VPS26A: variants seen among roughly 807,000 people sequenced by gnomAD.
VPS26A encodes vacuolar protein sorting-associated protein 26A.
A neutral mutation model predicts 42.4 loss-of-function variants in VPS26A; 22 were observed. That is an observed-to-expected ratio of 0.52 (90% confidence interval 0.37 to 0.74). VPS26A has a LOEUF of 0.74. Among genes scored for constraint, VPS26A ranks in the 30% least tolerant of loss-of-function variants. The pLI is 0.00. For missense variants in VPS26A, 276 were observed against 379.2 expected (o/e 0.73, Z 2.26); for synonymous variants, 110 against 123.5 (o/e 0.89, Z 0.73).
chr10:69,167,783 C>G (rs1841724098), intron 7 of VPS26A, among the ~76,000 whole-genome samples: 1 of 149,876 alleles, frequency 6.7e-6, no homozygotes, highest in Non-Finnish European at 1.5e-5. Context: ...CAAAGAATTA[C>G]CCTTAGGAAA....
At chr10:69,139,236 T>C (rs906145404) in intron 2 of VPS26A, among the ~76,000 whole-genome samples, 3 of 152,236 alleles carry the variant, frequency 2.0e-5, no homozygotes, top group Non-Finnish European at 4.4e-5. Context: ...TTGTGTCCTT[T>C]ACACTTAAAA....
intron 2 of VPS26A, among the ~76,000 whole-genome samples, chr10:69,139,853 T>C (rs1348846033): frequency 6.6e-6 from 1 of 152,176 alleles, no homozygotes; most frequent in Non-Finnish European, 1.5e-5. Context: ...TCTAATTCTT[T>C]TCTGATTTTT....
rs559394429 is a variant in VPS26A, at chr10:69,166,677, T to C, written c.727+567T>C. On this transcript the variant is annotated intron_variant, in intron 7 of 8. Coordinates refer to ENST00000263559, the MANE Select transcript of VPS26A (RefSeq NM_004896.5). ...TGTAATCTTAGGTGCTCTAAAACTC[T>C]TTGAGCTAGGTGGTTGTGTCCCTTA... Among the ~76,000 whole-genome samples the C allele has an allele frequency of 5.3e-5, 8 of 152,334 alleles. No individual in the cohort carries two copies. In the South Asian group the frequency reaches 1.7e-3, roughly 32 times the overall value.
At chr10:69,149,727 G>GTTTTTTTTTTTTTTTTTTTTTTT (rs151136046) in intron 2 of VPS26A, among the ~76,000 whole-genome samples, 2 of 93,964 alleles carry the variant, frequency 2.1e-5, no homozygotes, top group African/African-American at 4.9e-5. Context: ...CTTTCTTGGT[G>GTTTTTTTTTTTTTTTTTTTTTTT]TTTTTTGTTT....
intron 1 of VPS26A, among the ~76,000 whole-genome samples, chr10:69,128,958 C>T (rs1840716216): frequency 7.0e-6 from 1 of 142,440 alleles, no homozygotes; most frequent in Non-Finnish European, 1.5e-5. Context: ...GATCATACCA[C>T]TGCACTCCAG....
intron 2 of VPS26A, among the ~76,000 whole-genome samples, chr10:69,146,227 T>A (rs570267230): frequency 6.6e-6 from 1 of 152,152 alleles, no homozygotes; most frequent in Non-Finnish European, 1.5e-5. Flanking sequence ...TCCGAGTAGC[T>A]GGGATTACAG....
intron 2 of VPS26A, among the ~76,000 whole-genome samples, chr10:69,133,302 T>A (rs1032627956): frequency 3.9e-5 from 6 of 152,044 alleles, no homozygotes; most frequent in African/African-American, 1.4e-4. Context: ...CCTGTGTGGT[T>A]CATGAAAAAA....
intron 1 of VPS26A, among the ~76,000 whole-genome samples, chr10:69,124,883 G>A (rs1335734147): frequency 6.6e-6 from 1 of 152,214 alleles, no homozygotes; most frequent in Admixed American, 6.5e-5. Context: ...CCCGTTTGGT[G>A]CCCGCCGTTT....
chr10:69,163,885 C>A (rs1317358550), intron 6 of VPS26A, among the ~76,000 whole-genome samples: 6 of 151,022 alleles, frequency 4.0e-5, no homozygotes, highest in African/African-American at 1.5e-4. Context: ...CCTGCCTCAG[C>A]CTCCCGAGTA....
rs111294002 is a variant in VPS26A at position 69,131,957 on chromosome 10, A to G, written c.4-941A>G. ...GATAAGCAATTGATCTTTGTCCCTT[A>G]TATTTGTCATATTCAGGATTTATAG... On this transcript the variant is annotated intron_variant, in intron 1 of 8. Coordinates refer to ENST00000263559, the MANE Select transcript of VPS26A (RefSeq NM_004896.5). Among the ~76,000 whole-genome samples, 60 of 152,264 alleles carry G rather than the reference A, an allele frequency of 3.9e-4. 4 individuals are homozygous for G. Among genetic ancestry groups the G allele is most frequent in the African/African-American group, 1.4e-3 (57 of 41,562 alleles).
chr10:69,163,766 C>CTTTT (rs869154106), intron 6 of VPS26A, among the ~76,000 whole-genome samples: 11 of 133,610 alleles, frequency 8.2e-5, no homozygotes, highest in Non-Finnish European at 1.8e-4. Flanking sequence ...TTTCAGTTTT[C>CTTTT]TTTTTTTTTT....
intron 2 of VPS26A, among the ~76,000 whole-genome samples, chr10:69,155,373 G>A (rs1312214192): frequency 6.6e-6 from 1 of 152,210 alleles, no homozygotes; most frequent in Admixed American, 6.5e-5. Flanking sequence ...AGTCCTAGTT[G>A]TGTGGATGTT....
At position 69,155,831 on chromosome 10, in the gene VPS26A, A is replaced by G; in HGVS notation, c.173A>G (p.Gln58Arg). 6.2e-7 allele frequency: 1 copy of G among 1,612,494 alleles called. No homozygotes were observed. Among genetic ancestry groups the G allele is most frequent in the Non-Finnish European group, 8.5e-7 (1 of 1,179,158 alleles). The change falls in exon 3 of 9, where the codon CAA becomes CGA. Residue 58 changes from glutamine (Q) to arginine (R), a missense_variant. Physicochemically the swap from Gln to Arg is conservative, Grantham distance 43. Transcript: ENST00000263559. ...TGGCAGGTAAACCTAGCCTTTAAGC[A>G]ACCTGGAAAGAGGCTAGAACACCAA... is the stretch of plus-strand genomic sequence containing the variant. ...VSGKVNLAFK[Q>R]PGKRLEHQGI...
intron 1 of VPS26A, among the ~76,000 whole-genome samples, chr10:69,131,120 G>A (rs945034367): frequency 2.0e-5 from 3 of 152,056 alleles, no homozygotes; most frequent in African/African-American, 7.2e-5. Context: ...CGAGTAGCTG[G>A]GACTGCAGGC....
chr10:69,138,670 ATTGT>A (rs1427940410), intron 2 of VPS26A, among the ~76,000 whole-genome samples: 1 of 152,198 alleles, frequency 6.6e-6, no homozygotes, highest in Non-Finnish European at 1.5e-5. Context: ...ATTTGTGTAT[ATTGT>A]TTAAGATAAA....
At chr10:69,130,458 C>T (rs972492095) in intron 1 of VPS26A, among the ~76,000 whole-genome samples, 4 of 152,286 alleles carry the variant, frequency 2.6e-5, no homozygotes, top group South Asian at 2.1e-4. Context: ...GAGCTCTGAA[C>T]GTTGGAGGCT....
At chr10:69,164,433 G>T (rs1351162921) in intron 6 of VPS26A, among the ~76,000 whole-genome samples, 1 of 152,036 alleles carries the variant, frequency 6.6e-6, no homozygotes, top group Non-Finnish European at 1.5e-5. Flanking sequence ...GCCCAGGCTG[G>T]TTTCAAACTC....
chr10:69,134,509 A>G (rs1840861273), intron 2 of VPS26A, among the ~76,000 whole-genome samples: 1 of 152,218 alleles, frequency 6.6e-6, no homozygotes, highest in Admixed American at 6.5e-5. Context: ...ATTAAATTAC[A>G]TGTCCACCTG....
chr10:69,132,823 G>A (rs1216519745), intron 1 of VPS26A, 75 bp from the exon 2 acceptor site: 1 of 1,390,798 alleles, frequency 7.2e-7, no homozygotes, highest in Non-Finnish European at 9.7e-7. Context: ...GTAGTTCATA[G>A]GTAATTAAAT....
Sources: allele counts gnomAD v4.1 joint callset (sites outside exome capture counted in the v4.1 genomes callset), GRCh38; gene constraint gnomAD v4.1.1; transcripts MANE v1.5; gene names NCBI Gene and HGNC (gene_info 2026-07-23, HGNC 2026-07-21).